The following TRIM52 variants were observed in gnomAD, a reference collection of about 807,000 sequenced individuals.
TRIM52 encodes tripartite motif containing 52.
In TRIM52, 24 loss-of-function variants were observed where a neutral mutation model predicts 27.0. The ratio of observed to expected loss-of-function variants is 0.89; its 90% CI spans 0.64 to 1.25. The LOEUF (loss-of-function observed/expected upper bound fraction) is 1.25. TRIM52 is among the 50% of genes most tolerant of loss of function. TRIM52 has a pLI of 0.00. For synonymous variants in TRIM52, 125 were observed against 126.5 expected, an observed-to-expected ratio of 0.99 and a Z score of 0.08; for missense variants, 351 against 354.7, an observed-to-expected ratio of 0.99 and a Z score of 0.08.
At chr5:181,251,941 G>A (rs537158466), downstream of TRIM52, among the ~76,000 whole-genome samples, 2 of 152,290 alleles carry the variant, frequency 1.3e-5, no homozygotes, top group East Asian at 3.9e-4. Context: ...TTTTCAAAAA[G>A]TCAGGCACAA....
rs1561692460 is a variant in TRIM52, at chr5:181,260,909, G to A, written c.-96C>T. 8 of 1,466,524 alleles carry A rather than the reference G, an allele frequency of 5.5e-6. No individual in the cohort carries two copies. The highest frequency in any genetic ancestry group is 6.3e-6 in the Non-Finnish European group (7 of 1,108,626). 90.8% of individuals were successfully genotyped at this position (1,466,524 alleles called of 1,614,324 possible). On this transcript the variant is annotated 5_prime_UTR_variant, in exon 1 of 2. Coordinates refer to ENST00000688015, the MANE Select transcript of TRIM52 (RefSeq NM_001346048.2). The surrounding 1 kb of genome is among the most constrained non-coding windows in gnomAD (Gnocchi z 4.4). Reference sequence around the variant, plus strand: ...CCTCCAAACTACTCTGGTGACCCGAGGCTGTCCTCAACCTTGCTCTTCTTC... The same window carrying A: ...CCTCCAAACTACTCTGGTGACCCGAAGCTGTCCTCAACCTTGCTCTTCTTC...
chr5:181,259,935 AT>A (rs1353032928), intron 1 of TRIM52, 65 bp downstream of exon 1: 1 of 1,609,992 alleles, frequency 6.2e-7, no homozygotes, highest in Non-Finnish European at 8.5e-7. Flanking sequence ...AATGCTACTC[AT>A]TCCTCAGCTC....
At position 181,260,676 on chromosome 5, in the gene TRIM52, C is replaced by G. The variant is rs1760022147; in HGVS notation, c.138G>C (p.Gln46His). ...GHNFCRGCVT[Q>H]LWSKEDEEDQ... ...CCTCCTCGTCCTCCTTACTCCACAG[C>G]TGGGTCACACACCCTCGGCAGAAGT... Residue 46 changes from glutamine to histidine, a missense_variant, in exon 1 of 2, where the codon CAG becomes CAC. By Grantham distance (24) the Gln-to-His change is conservative. Transcript: ENST00000688015. The surrounding 1 kb of genome is among the most constrained non-coding windows in gnomAD (Gnocchi z 4.4). 1.2e-6 allele frequency: 2 copies of G among 1,614,040 alleles called. No homozygotes were observed. The highest frequency in any genetic ancestry group is 1.7e-6 in the Non-Finnish European group (2 of 1,180,022).
At chr5:181,258,194 C>T (rs1177690570) in intron 1 of TRIM52, 1 of 151,776 alleles carries the variant, frequency 6.6e-6, no homozygotes, top group Non-Finnish European at 1.5e-5. Flanking sequence ...AGTTCAAGAC[C>T]AGCCTGGCCA....
At chr5:181,254,214 C>G (rs1759698404), downstream of TRIM52, among the ~76,000 whole-genome samples, 1 of 137,884 alleles carries the variant, frequency 7.3e-6, no homozygotes, top group African/African-American at 3.1e-5. Flanking sequence ...GGCATGAATC[C>G]AGGAGGCGGA....
chr5:181,261,113 T>A lies in TRIM52; in HGVS notation c.-300A>T. The A allele has an allele frequency of 3.0e-6, 1 of 329,876 alleles. No individual in the cohort carries two copies. Among genetic ancestry groups the A allele is most frequent in the Non-Finnish European group, 5.6e-6 (1 of 178,846 alleles). 20.4% of individuals were successfully genotyped at this position (329,876 alleles called of 1,614,324 possible). A position where few individuals can be genotyped will look rare whatever the true frequency, so the allele number is the denominator to read the frequency against. On this transcript the variant is annotated 5_prime_UTR_variant, in exon 1 of 2. Transcript: ENST00000688015. ...CCTACACTGCGGCGTCCGCCTCAGA[T>A]GCAGCCGCTGGCTACCCTGCCCGAG... is the stretch of plus-strand genomic sequence containing the variant.
At chr5:181,252,088 G>A (rs1216950647), downstream of TRIM52, among the ~76,000 whole-genome samples, 1 of 152,182 alleles carries the variant, frequency 6.6e-6, no homozygotes, top group African/African-American at 2.4e-5. Context: ...TCACCCGTGT[G>A]ATCCACGTGT....
rs1759800319 is a variant in TRIM52, at chr5:181,256,872, A to C, written c.814-13T>G. ...TTGACCCTATCTTCTGCAAAATAAC[A>C]TGAGTATATACTTGAGAAAAGCCTC... is the stretch of plus-strand genomic sequence containing the variant. On this transcript the variant is annotated splice_polypyrimidine_tract_variant and intron_variant, in intron 1 of 1. Transcript: ENST00000688015. 1.0e-6 allele frequency: 1 copy of C among 985,372 alleles called. No homozygotes were observed. The highest frequency in any genetic ancestry group is 1.7e-5 in the African/African-American group (1 of 57,252). The allele number at this position is 985,372 out of a possible 1,614,324, so 61.0% of individuals were successfully genotyped here. A position where few individuals can be genotyped will look rare whatever the true frequency, so the allele number is the denominator to read the frequency against.
At position 181,261,045 on chromosome 5, in the gene TRIM52, G is replaced by A. The variant is rs1204179649; in HGVS notation, c.-232C>T. ...GGGACAGAGCAGGCTGCAGCCCCCA[G>A]CTGCTCGGTCCTGTCACGTCTCTCG... is the stretch of plus-strand genomic sequence containing the variant. On this transcript the variant is annotated 5_prime_UTR_variant, in exon 1 of 2. Transcript: ENST00000688015. 6 of 563,744 alleles carry A rather than the reference G, an allele frequency of 1.1e-5. No individual in the cohort carries two copies. In the East Asian group the frequency reaches 1.2e-4, roughly 11 times the overall value. The allele number at this position is 563,744 out of a possible 1,614,324, so 34.9% of individuals were successfully genotyped here.
intron 1 of TRIM52, 83 bp downstream of exon 1, chr5:181,259,918 G>A: frequency 6.2e-7 from 1 of 1,602,602 alleles, no homozygotes; most frequent in Non-Finnish European, 8.5e-7. Flanking sequence ...TGAGGAGGTG[G>A]GAAAGGAATG....
chr5:181,252,604 A>G (rs1158736036), downstream of TRIM52, among the ~76,000 whole-genome samples: 1 of 152,162 alleles, frequency 6.6e-6, no homozygotes, highest in Non-Finnish European at 1.5e-5. Context: ...TTTTCAGAGG[A>G]GTTAGGAATT....
At position 181,256,867 on chromosome 5, in the gene TRIM52, A is replaced by G; in HGVS notation, c.814-8T>C. 2.0e-6 allele frequency: 2 copies of G among 985,498 alleles called. No individual in the cohort carries two copies. The highest frequency in any genetic ancestry group is 2.4e-6 in the Non-Finnish European group (2 of 829,960). 61.0% of individuals were successfully genotyped at this position (985,498 alleles called of 1,614,324 possible). On this transcript the variant is annotated splice_region_variant and splice_polypyrimidine_tract_variant and intron_variant, in intron 1 of 1. Coordinates refer to ENST00000688015, the MANE Select transcript of TRIM52 (RefSeq NM_001346048.2). ...AGAAGTTGACCCTATCTTCTGCAAA[A>G]TAACATGAGTATATACTTGAGAAAA... is the stretch of plus-strand genomic sequence containing the variant.
intron 1 of TRIM52, chr5:181,257,579 C>T (rs553305544): frequency 5.5e-6 from 6 of 1,099,516 alleles, no homozygotes; most frequent in Non-Finnish European, 6.4e-6. Context: ...AACCATTATA[C>T]AAAAATAGTT....
chr5:181,260,429 CTT>C lies in TRIM52; in HGVS notation c.383_384del (p.Glu128GlyfsTer14), dbSNP rs774622067. On this transcript the variant is annotated frameshift_variant, in exon 1 of 2. Transcript: ENST00000688015. LOFTEE classifies it high-confidence loss of function. The surrounding 1 kb of genome is among the most constrained non-coding windows in gnomAD (Gnocchi z 4.4). ...DYMWDEEEEEEEEDQDYYLGG... is the reference protein window; with the variant it reads ...DYMWDEEEEEXEEDQDYYLGG... ...CCTAGGTAATAGTCCTGATCTTCCT[CTT>C]CTTCTTCTTCCTCCTCGTCCCACAT... 1.4e-5 allele frequency: 11 copies of C among 785,364 alleles called. No individual in the cohort carries two copies. The East Asian group carries it at 5.3e-4, about 38-fold the overall frequency. The allele number at this position is 785,364 out of a possible 1,614,324, so 48.6% of individuals were successfully genotyped here.
intron 1 of TRIM52, chr5:181,258,965 G>A (rs924118309): frequency 2.6e-5 from 4 of 152,226 alleles, no homozygotes; most frequent in African/African-American, 9.6e-5. Flanking sequence ...GTGAGCAGCG[G>A]CTGCTGCATA....
chr5:181,257,171 AAT>A, intron 1 of TRIM52: 1 of 1,179,170 alleles, frequency 8.5e-7, no homozygotes, highest in Non-Finnish European at 1.0e-6. Flanking sequence ...TTACTTTCAT[AAT>A]TCTTTGATTC....
chr5:181,257,464 T>G, intron 1 of TRIM52: 1 of 1,612,858 alleles, frequency 6.2e-7, no homozygotes, highest in Non-Finnish European at 8.5e-7. Flanking sequence ...ATCTGAAGTA[T>G]TCCCACCAGA....
Position 181,260,758 on chromosome 5 carries a change from A to G in TRIM52, c.56T>C (p.Val19Ala). The G allele has an allele frequency of 6.2e-7, 1 of 1,613,318 alleles. No individual in the cohort carries two copies. The highest frequency in any genetic ancestry group is 8.5e-7 in the Non-Finnish European group (1 of 1,179,524). Residue 19 changes from valine to alanine, a missense_variant, in exon 1 of 2, where the codon GTG becomes GCG. By Grantham distance (64) the Val-to-Ala change is moderately conservative. Transcript: ENST00000688015. The surrounding 1 kb of genome is among the most constrained non-coding windows in gnomAD (Gnocchi z 4.4). ...SPMQTLQEEA[V>A]CAICLDYFKD... The stretch of plus-strand genomic sequence containing the variant: ...GAAGTAATCCAAGCAGATGGCACAC[A>G]CCGCTTCCTCCTGAAGGGTCTGCAT...
rs1273340544 is a variant in TRIM52, at chr5:181,260,308, A to G, written c.506T>C (p.Ile169Thr). 1.2e-6 allele frequency: 2 copies of G among 1,613,976 alleles called. No individual in the cohort carries two copies. The highest frequency in any genetic ancestry group is 1.7e-6 in the Non-Finnish European group (2 of 1,180,038). Residue 169 changes from isoleucine to threonine, a missense_variant, in exon 1 of 2, where the codon ATC (isoleucine) becomes ACC (threonine). Physicochemically the swap from Ile to Thr is moderately conservative, Grantham distance 89 (BLOSUM62 -1). Coordinates refer to ENST00000688015, the MANE Select transcript of TRIM52 (RefSeq NM_001346048.2). The surrounding 1 kb of genome is among the most constrained non-coding windows in gnomAD (Gnocchi z 4.4). The part of the protein sequence containing the change: ...EDEDEELYPD[I>T]HPPPSLPLPG... ...AAGGGGCAAGGAAGGAGGCGGGTGG[A>G]TGTCAGGATACAGCTCTTCATCTTC...
Sources: gnomAD v4.1 joint callset for allele counts (sites outside exome capture counted in the v4.1 genomes callset) on GRCh38, gnomAD v4.1.1 for gene constraint, Gnocchi (gnomAD v3.1) non-coding constraint, MANE v1.5 for transcripts, NCBI Gene and HGNC (gene_info 2026-07-23, HGNC 2026-07-21) for gene names.